The following GRID2 variants were observed in gnomAD, a reference collection of about 807,000 sequenced individuals.
GRID2 encodes the protein glutamate ionotropic receptor delta type subunit 2.
In GRID2, 33 loss-of-function variants were observed where a neutral mutation model predicts 114.8. The observed-to-expected ratio is 0.29, with a 90% CI of 0.22 to 0.38. GRID2 has a LOEUF of 0.38. GRID2 is among the 10% of genes least tolerant of loss of function. GRID2 has a pLI of 1.00. For synonymous variants in GRID2, 505 were observed against 449.9 expected, an observed-to-expected ratio of 1.12 and a Z score of -1.55; for missense variants, 1,184 against 1,257.7, an observed-to-expected ratio of 0.94 and a Z score of 0.89.
chr4:92,309,823 C>A (rs1251692868), intron 1 of GRID2, among the ~76,000 whole-genome samples: 1 of 151,764 alleles, frequency 6.6e-6, no homozygotes, highest in Non-Finnish European at 1.5e-5. Context: ...TGAATAAAAT[C>A]TAAGACACCT....
At chr4:93,204,799 T>G (rs972309865) in intron 4 of GRID2, among the ~76,000 whole-genome samples, 2 of 152,202 alleles carry the variant, frequency 1.3e-5, no homozygotes, top group Non-Finnish European at 2.9e-5. Flanking sequence ...CTACAGGTGA[T>G]GCAGAGTGCT....
intron 1 of GRID2, among the ~76,000 whole-genome samples, chr4:93,792,889 C>T (rs964394516): frequency 1.3e-5 from 2 of 152,152 alleles, no homozygotes; most frequent in Non-Finnish European, 2.9e-5. Context: ...GAGGTCCCAC[C>T]TATTCCTTTA....
At chr4:92,466,773 A>C (rs1329764954) in intron 1 of GRID2, among the ~76,000 whole-genome samples, 2 of 151,742 alleles carry the variant, frequency 1.3e-5, no homozygotes, top group Non-Finnish European at 3.0e-5. Flanking sequence ...TGATATCAAA[A>C]TATTGTTAGG....
At chr4:93,094,798 G>A (rs1042008768) in intron 3 of GRID2, among the ~76,000 whole-genome samples, 2 of 151,894 alleles carry the variant, frequency 1.3e-5, no homozygotes, top group Admixed American at 1.3e-4. Context: ...TAAATGTGAA[G>A]AGAAAATGAC....
intron 1 of GRID2, among the ~76,000 whole-genome samples, chr4:92,442,259 G>GAGTC (rs1308786134): frequency 3.3e-5 from 5 of 152,070 alleles, no homozygotes; most frequent in Middle Eastern, 3.4e-3. Flanking sequence ...ATCTGGGAAG[G>GAGTC]AGTCAGACAG....
At chr4:93,227,923 A>C (rs1037289948) in intron 7 of GRID2, among the ~76,000 whole-genome samples, 3 of 152,152 alleles carry the variant, frequency 2.0e-5, no homozygotes, top group African/African-American at 7.2e-5. Flanking sequence ...AAATTAAATA[A>C]ACTCTTAAGA....
chr4:93,636,432 CAT>C (rs1265368717), intron 14 of GRID2, among the ~76,000 whole-genome samples: 6 of 152,084 alleles, frequency 3.9e-5, no homozygotes, highest in African/African-American at 1.2e-4. Context: ...CACACACACA[CAT>C]GCGCACACAT....
At chr4:92,464,429 G>A (rs1419984799) in intron 1 of GRID2, among the ~76,000 whole-genome samples, 1 of 152,060 alleles carries the variant, frequency 6.6e-6, no homozygotes, top group Non-Finnish European at 1.5e-5. Flanking sequence ...ATACCAGAAG[G>A]ATTTTGAGTA....
intron 1 of GRID2, among the ~76,000 whole-genome samples, chr4:92,365,130 T>A (rs992004440): frequency 2.6e-5 from 4 of 151,970 alleles, no homozygotes; most frequent in African/African-American, 7.2e-5. Context: ...AGCAAATCCA[T>A]CTCTTGGAAT....
chr4:93,758,651 T>A (rs1732959942), intron 14 of GRID2, among the ~76,000 whole-genome samples: 1 of 152,202 alleles, frequency 6.6e-6, no homozygotes, highest in Admixed American at 6.5e-5. Flanking sequence ...ACAAATAGCA[T>A]ACAACTCAGG....
At position 92,757,890 on chromosome 4, in the gene GRID2, G is replaced by T. The variant is rs537386770; in HGVS notation, c.244+167604G>T. 5.3e-5 allele frequency among the ~76,000 whole-genome samples: 8 copies of T among 151,776 alleles called. No individual in the cohort carries two copies. The South Asian group carries it at 1.7e-3, about 32-fold the overall frequency. ...ATACATTGGATTTAGTAAGATACAC[G>T]TCAGTAGTAATCTTCCTAAGAAAGG... On this transcript the variant is annotated intron_variant, in intron 2 of 15. Transcript: ENST00000282020.
At chr4:92,921,453 C>T (rs973246675) in intron 2 of GRID2, among the ~76,000 whole-genome samples, 2 of 146,320 alleles carry the variant, frequency 1.4e-5, no homozygotes, top group African/African-American at 5.2e-5. Context: ...AGTTTTTCTG[C>T]TGTTTTTTCC....
At chr4:93,583,217 G>A (rs1031252205) in intron 13 of GRID2, among the ~76,000 whole-genome samples, 12 of 152,064 alleles carry the variant, frequency 7.9e-5, no homozygotes, top group African/African-American at 2.9e-4. Flanking sequence ...TTCCAAACAA[G>A]GTCACATTCT....
rs1184393628 is a variant in GRID2 at position 93,711,112 on chromosome 4, T to C, written c.2361-58098T>C. On this transcript the variant is annotated intron_variant, in intron 14 of 15. Transcript: ENST00000282020. ...AGTTGCAAGACAAAGTCCTTTATAC[T>C]CCTTCTTCCTTTTTTGTCAAGTAGA... Among the ~76,000 whole-genome samples, 3 of 152,106 alleles carry C rather than the reference T, an allele frequency of 2.0e-5. No individual in the cohort carries two copies. The East Asian group carries it at 5.8e-4, about 30-fold the overall frequency.
At chr4:92,946,695 C>T (rs189497281) in intron 2 of GRID2, among the ~76,000 whole-genome samples, 58 of 152,154 alleles carry the variant, frequency 3.8e-4, no homozygotes, top group Non-Finnish European at 7.7e-4. Flanking sequence ...GGCCTTACAT[C>T]AGATGGACAG....
chr4:92,919,986 G>A (rs1037190119), intron 2 of GRID2, among the ~76,000 whole-genome samples: 22 of 152,162 alleles, frequency 1.4e-4, no homozygotes, highest in Non-Finnish European at 2.4e-4. Context: ...GGGAGTGTAA[G>A]TCTCTTTGTA....
At chr4:93,769,123 AC>A in intron 14 of GRID2, 86 bp from the exon 15 acceptor site, 1 of 1,315,118 alleles carries the variant, frequency 7.6e-7, no homozygotes, top group East Asian at 2.3e-5. Flanking sequence ...CCACCATCCT[AC>A]AGAGGTGGGA....
intron 14 of GRID2, among the ~76,000 whole-genome samples, chr4:93,726,865 T>C (rs1264274346): frequency 1.3e-5 from 2 of 152,222 alleles, no homozygotes; most frequent in Non-Finnish European, 2.9e-5. Flanking sequence ...AAATTGCTTA[T>C]CAGCTTAAGG....
At chr4:92,463,495 C>T (rs1379655615) in intron 1 of GRID2, among the ~76,000 whole-genome samples, 1 of 151,918 alleles carries the variant, frequency 6.6e-6, no homozygotes, top group Non-Finnish European at 1.5e-5. Context: ...ACTCAAAACT[C>T]CACTGTCTCT....
Sources: allele counts gnomAD v4.1 joint callset (sites outside exome capture counted in the v4.1 genomes callset), GRCh38; gene constraint gnomAD v4.1.1; transcripts MANE v1.5; gene names NCBI Gene and HGNC (gene_info 2026-07-23, HGNC 2026-07-21).